The following TMTC1 variants were observed in gnomAD, a reference collection of about 807,000 sequenced individuals.
TMTC1 encodes the protein transmembrane O-mannosyltransferase targeting cadherins 1.
A neutral mutation model predicts 104.8 loss-of-function variants in TMTC1; 73 were observed. That is an observed-to-expected ratio of 0.70 (90% CI 0.58 to 0.85). The LOEUF (loss-of-function observed/expected upper bound fraction) is 0.85. Among genes scored for constraint, TMTC1 ranks in the 40% least tolerant of loss-of-function variants. The probability of loss-of-function intolerance (pLI) is 0.00; values close to 1 mark genes in which losing one functional copy is unlikely to be tolerated. For synonymous variants in TMTC1, 434 were observed against 428.7 expected, an observed-to-expected ratio of 1.01 and a Z score of -0.15; for missense variants, 1,035 against 1,096.1, an observed-to-expected ratio of 0.94 and a Z score of 0.79.
At chr12:29,737,309 C>T (rs908572824) in intron 5 of TMTC1, among the ~76,000 whole-genome samples, 7 of 152,144 alleles carry the variant, frequency 4.6e-5, no homozygotes, top group Admixed American at 4.6e-4. Flanking sequence ...ACTTGAGGTC[C>T]GGAATTCAAG....
intron 5 of TMTC1, among the ~76,000 whole-genome samples, chr12:29,638,634 C>T (rs1938680306): frequency 6.6e-6 from 1 of 152,310 alleles, no homozygotes; most frequent in African/African-American, 2.4e-5. Flanking sequence ...TAACACACAC[C>T]CACTGGTGCT....
intron 6 of TMTC1, among the ~76,000 whole-genome samples, chr12:29,628,245 GT>G (rs1331741248): frequency 6.6e-6 from 1 of 152,142 alleles, no homozygotes; most frequent in Non-Finnish European, 1.5e-5. Flanking sequence ...TGGTGGTGGA[GT>G]TTTTCTGCCC....
chr12:29,649,242 A>G (rs1471427412), intron 5 of TMTC1, among the ~76,000 whole-genome samples: 1 of 152,152 alleles, frequency 6.6e-6, no homozygotes, highest in Non-Finnish European at 1.5e-5. Flanking sequence ...TCTTGTTCCT[A>G]TAGAAATTCC....
chr12:29,747,092 T>C (rs1942973138), intron 5 of TMTC1, among the ~76,000 whole-genome samples: 1 of 152,188 alleles, frequency 6.6e-6, no homozygotes, highest in Non-Finnish European at 1.5e-5. Context: ...GTCATTGTCA[T>C]TTAAATATGA....
chr12:29,620,541 T>C (rs1332684158), intron 6 of TMTC1, among the ~76,000 whole-genome samples: 3 of 152,214 alleles, frequency 2.0e-5, no homozygotes, highest in Admixed American at 6.5e-5. Flanking sequence ...GTATCACATA[T>C]GGTAAAGCAA....
At chr12:29,666,392 TTTG>T (rs1555184500) in intron 5 of TMTC1, 22 of 333,624 alleles carry the variant, frequency 6.6e-5, no homozygotes, top group East Asian at 1.9e-4. Context: ...TAATTTTTTT[TTTG>T]TTGTTGTTGT....
At chr12:29,572,306 G>T in intron 8 of TMTC1, 88 bp from the exon 9 acceptor site, 1 of 1,118,416 alleles carries the variant, frequency 8.9e-7, no homozygotes, top group Non-Finnish European at 1.3e-6. Context: ...TCATGAACCT[G>T]TATTTGAAAT....
At chr12:29,746,831 A>G (rs1942967117) in intron 5 of TMTC1, among the ~76,000 whole-genome samples, 1 of 152,196 alleles carries the variant, frequency 6.6e-6, no homozygotes, top group South Asian at 2.1e-4. Context: ...TCTCGCCCAC[A>G]GAAGTAGAAA....
intron 5 of TMTC1, chr12:29,666,391 T>TG (rs1201762999): frequency 6.5e-5 from 22 of 338,204 alleles, no homozygotes; most frequent in East Asian, 4.6e-4. Flanking sequence ...CTAATTTTTT[T>TG]TTTGTTGTTG....
intron 9 of TMTC1, among the ~76,000 whole-genome samples, chr12:29,558,404 A>G (rs1044067563): frequency 3.9e-5 from 6 of 152,308 alleles, no homozygotes; most frequent in Middle Eastern, 3.4e-3. Context: ...TATTAAAAGG[A>G]CAGGGAAGAC....
intron 5 of TMTC1, among the ~76,000 whole-genome samples, chr12:29,635,664 T>C (rs1444462804): frequency 1.3e-5 from 2 of 152,276 alleles, no homozygotes; most frequent in Non-Finnish European, 2.9e-5. Context: ...ACACCATGCC[T>C]ATGAGGTCAA....
At chr12:29,566,548 T>G (rs2136285987) in intron 9 of TMTC1, among the ~76,000 whole-genome samples, 1 of 152,222 alleles carries the variant, frequency 6.6e-6, no homozygotes, top group African/African-American at 2.4e-5. Flanking sequence ...TGAAGATCCC[T>G]GGGGCTGCTG....
chr12:29,572,109 G>C lies in TMTC1; in HGVS notation c.1528C>G (p.Leu510Val). The change falls in exon 9 of 18, where the codon CTC becomes GTC. Residue 510 changes from leucine (L) to valine (V), a missense_variant. By Grantham distance (32) the Leu-to-Val change is conservative (BLOSUM62 1). Coordinates refer to ENST00000539277, the MANE Select transcript of TMTC1 (RefSeq NM_001193451.2). ...KEAIYHYRTA[L>V]KLYPRHASAL... ...CCCTCCCTGTGTGGCGCTTACTTGA[G>C]AGCTGTTCTGTAGTGGTAGATCGCT... is the stretch of plus-strand genomic sequence containing the variant. The C allele has an allele frequency of 1.2e-6, 2 of 1,613,450 alleles. No individual in the cohort carries two copies. The highest frequency in any genetic ancestry group is 1.7e-6 in the Non-Finnish European group (2 of 1,179,442).
In TMTC1 at chr12:29,571,614, C is replaced by A. The variant is rs534779151; in HGVS notation, c.1532+491G>T. On this transcript the variant is annotated intron_variant, in intron 9 of 17. Transcript: ENST00000539277. ...CACACACACACACACACACAATTAA[C>A]GTATCCCCAACATGGTAATCAATTG... Among the ~76,000 whole-genome samples, 4 of 150,378 alleles carry A rather than the reference C, an allele frequency of 2.7e-5. No individual in the cohort carries two copies. The South Asian group carries it at 8.4e-4, about 32-fold the overall frequency.
At position 29,623,827 on chromosome 12, in the gene TMTC1, A is replaced by AAATT. The variant is rs1555177665; in HGVS notation, c.1128+9316_1128+9319dup. Among the ~76,000 whole-genome samples, 102 of 146,334 alleles carry AAATT rather than the reference A, an allele frequency of 7.0e-4. 2 individuals carry two copies. Among genetic ancestry groups the AAATT allele is most frequent in the African/African-American group, 2.2e-3 (83 of 37,796 alleles). ...GACTCCGGCTCAAAAATAAATAAAT[A>AAATT]AATTAAATTAAATTAAATTAAATTA... On this transcript the variant is annotated intron_variant, in intron 6 of 17. Coordinates refer to ENST00000539277, the MANE Select transcript of TMTC1 (RefSeq NM_001193451.2).
chr12:29,546,403 C>G (rs528180288), intron 10 of TMTC1, among the ~76,000 whole-genome samples: 1 of 152,146 alleles, frequency 6.6e-6, no homozygotes. Flanking sequence ...CAGGAGGGTA[C>G]AAATGGGAGG....
At chr12:29,736,160 G>C (rs1942667224) in intron 5 of TMTC1, among the ~76,000 whole-genome samples, 1 of 151,596 alleles carries the variant, frequency 6.6e-6, no homozygotes, top group African/African-American at 2.4e-5. Context: ...AGAAAGCCCA[G>C]GGCAGGCATT....
intron 17 of TMTC1, among the ~76,000 whole-genome samples, chr12:29,509,852 A>C (rs1021527980): frequency 1.3e-5 from 2 of 152,232 alleles, no homozygotes; most frequent in African/African-American, 4.8e-5. Context: ...TCCCAAGGGA[A>C]GTACTTCCTA....
intron 11 of TMTC1, chr12:29,534,625 G>A (rs145091203): frequency 2.0e-3 from 310 of 152,272 alleles, no homozygotes; most frequent in African/African-American, 7.0e-3. Flanking sequence ...AAGTATATAC[G>A]TTATCCTGTT....
Sources: allele counts gnomAD v4.1 joint callset (sites outside exome capture counted in the v4.1 genomes callset), GRCh38; gene constraint gnomAD v4.1.1; transcripts MANE v1.5; gene names NCBI Gene and HGNC (gene_info 2026-07-23, HGNC 2026-07-21).